PCDH15: variants seen among roughly 807,000 people sequenced by gnomAD.
PCDH15 encodes the protein protocadherin-15.
Under a neutral mutation model 178.5 loss-of-function variants are expected in PCDH15, and 129 were observed. The ratio of observed to expected loss-of-function variants is 0.72; its 90% CI spans 0.63 to 0.84. The LOEUF is 0.84. Among genes scored for constraint, PCDH15 ranks in the 40% least tolerant of loss-of-function variants. PCDH15 has a pLI of 0.00. For synonymous variants in PCDH15, 800 were observed against 732.0 expected (o/e 1.09, Z -1.50); for missense variants, 2,230 against 2,099.9 (o/e 1.06, Z -1.21).
intron 18 of PCDH15, among the ~76,000 whole-genome samples, chr10:54,031,572 G>A (rs2093296757): frequency 6.6e-6 from 1 of 151,762 alleles, no homozygotes. Flanking sequence ...AAGATAGCAA[G>A]CAAATAAAAA....
chr10:54,012,095 C>G (rs2092605538), intron 20 of PCDH15, among the ~76,000 whole-genome samples: 1 of 151,848 alleles, frequency 6.6e-6, no homozygotes, highest in African/African-American at 2.4e-5. Context: ...AAGAATGAAC[C>G]AAAATGATCT....
At chr10:55,277,102 C>T (rs1842614844) in intron 1 of PCDH15, among the ~76,000 whole-genome samples, 1 of 151,888 alleles carries the variant, frequency 6.6e-6, no homozygotes, top group African/African-American at 2.4e-5. Flanking sequence ...ATTAGCATTC[C>T]AGTTCAGAGG....
Position 53,995,468 on chromosome 10 carries a change from AAT to A in PCDH15, c.2868+179_2868+180del, listed in dbSNP as rs1326427330. 1.2e-5 allele frequency: 13 copies of A among 1,087,214 alleles called. No individual in the cohort carries two copies. The Admixed American group carries it at 3.0e-4, about 25-fold the overall frequency. The allele number at this position is 1,087,214 out of a possible 1,614,324, so 67.3% of individuals were successfully genotyped here. A position where few individuals can be genotyped will look rare whatever the true frequency, so the allele number is the denominator to read the frequency against. The stretch of plus-strand genomic sequence containing the variant: ...AGCATATTCTTTGTCTAGGTTCAAT[AAT>A]AGTCATCTGAAATATGCTCTGTACC... On this transcript the variant is annotated intron_variant, in intron 21 of 37. Coordinates refer to ENST00000644397, the MANE Select transcript of PCDH15 (RefSeq NM_001384140.1).
chr10:54,261,921 G>C (rs966867491), intron 8 of PCDH15, among the ~76,000 whole-genome samples: 1 of 152,118 alleles, frequency 6.6e-6, no homozygotes, highest in Non-Finnish European at 1.5e-5. Flanking sequence ...AGTTGATACA[G>C]AGGTGACACA....
intron 25 of PCDH15, among the ~76,000 whole-genome samples, chr10:53,924,891 G>C (rs2084358972): frequency 1.3e-5 from 2 of 152,166 alleles, no homozygotes; most frequent in Non-Finnish European, 2.9e-5. Context: ...CTCAAGGTTT[G>C]TAAATGCACC....
chr10:55,040,255 C>A (rs986727000), intron 2 of PCDH15, among the ~76,000 whole-genome samples: 1 of 151,924 alleles, frequency 6.6e-6, no homozygotes, highest in Admixed American at 6.6e-5. Flanking sequence ...TCACATGTAA[C>A]TGAAGGACAT....
intron 2 of PCDH15, among the ~76,000 whole-genome samples, chr10:55,111,021 T>C (rs2132055933): frequency 6.6e-6 from 1 of 152,276 alleles, no homozygotes; most frequent in African/African-American, 2.4e-5. Flanking sequence ...TAAAACTTTG[T>C]TTTGCCTAAA....
At chr10:54,041,838 C>T (rs1430246618) in intron 18 of PCDH15, among the ~76,000 whole-genome samples, 1 of 152,010 alleles carries the variant, frequency 6.6e-6, no homozygotes, top group Non-Finnish European at 1.5e-5. Flanking sequence ...GTGACTTTCA[C>T]ATTACTTGTA....
At chr10:54,778,177 T>C (rs983158063) in intron 1 of PCDH15, among the ~76,000 whole-genome samples, 1 of 152,214 alleles carries the variant, frequency 6.6e-6, no homozygotes, top group African/African-American at 2.4e-5. Flanking sequence ...CTAACACAAA[T>C]GTTATGTATT....
chr10:54,831,477 G>T (rs1953226858), intron 3 of PCDH15, among the ~76,000 whole-genome samples: 1 of 151,982 alleles, frequency 6.6e-6, no homozygotes, highest in African/African-American at 2.4e-5. Context: ...TGTGATGTCT[G>T]CTAACTTATA....
At chr10:53,853,846 A>C (rs1021616064) in intron 28 of PCDH15, among the ~76,000 whole-genome samples, 4 of 152,074 alleles carry the variant, frequency 2.6e-5, no homozygotes, top group Non-Finnish European at 5.9e-5. Context: ...AAATGGTGCA[A>C]CTGCTATAGA....
intron 1 of PCDH15, among the ~76,000 whole-genome samples, chr10:55,248,217 A>G (rs1359403563): frequency 6.6e-6 from 1 of 151,874 alleles, no homozygotes; most frequent in Non-Finnish European, 1.5e-5. Flanking sequence ...TACACACACA[A>G]ATATGTATAC....
intron 13 of PCDH15, among the ~76,000 whole-genome samples, chr10:54,166,764 CAAAA>C (rs1482991273): frequency 1.5e-5 from 1 of 68,450 alleles, no homozygotes; most frequent in Non-Finnish European, 5.0e-5. Flanking sequence ...TGAAGAATCA[CAAAA>C]GAAGTGAATA....
At chr10:54,638,134 G>T (rs1021328723) in intron 2 of PCDH15, among the ~76,000 whole-genome samples, 6 of 151,814 alleles carry the variant, frequency 4.0e-5, no homozygotes, top group Admixed American at 3.9e-4. Flanking sequence ...CAACATAAAA[G>T]ATCTGCTTGA....
At chr10:54,755,527 T>G (rs1002184571) in intron 1 of PCDH15, among the ~76,000 whole-genome samples, 8 of 152,104 alleles carry the variant, frequency 5.3e-5, no homozygotes, top group African/African-American at 1.2e-4. Flanking sequence ...GAGAATAAAT[T>G]TATTTATAAT....
intron 8 of PCDH15, among the ~76,000 whole-genome samples, chr10:54,252,574 G>A (rs1229832003): frequency 3.3e-5 from 5 of 152,116 alleles, no homozygotes; most frequent in African/African-American, 1.2e-4. Context: ...TAGCAGTCCA[G>A]TCCAGAGGAA....
chr10:54,411,629 G>A (rs142359173), intron 3 of PCDH15, among the ~76,000 whole-genome samples: 8 of 152,264 alleles, frequency 5.3e-5, no homozygotes, highest in African/African-American at 7.2e-5. Context: ...TAGTAAACAC[G>A]TAATAAGTGC....
At chr10:54,638,232 C>A (rs1025868283) in intron 2 of PCDH15, among the ~76,000 whole-genome samples, 1 of 152,056 alleles carries the variant, frequency 6.6e-6, no homozygotes, top group Non-Finnish European at 1.5e-5. Context: ...CATTATGAGA[C>A]TGGATTGGGG....
intron 8 of PCDH15, among the ~76,000 whole-genome samples, chr10:54,299,995 ACT>A (rs2060049256): frequency 6.6e-6 from 1 of 152,072 alleles, no homozygotes; most frequent in East Asian, 1.9e-4. Flanking sequence ...GCTACCACAC[ACT>A]CTTAAAGGAA....
Sources: allele counts gnomAD v4.1 joint callset (sites outside exome capture counted in the v4.1 genomes callset), GRCh38; gene constraint gnomAD v4.1.1; transcripts MANE v1.5; gene names NCBI Gene and HGNC (gene_info 2026-07-23, HGNC 2026-07-21).